The following YWHAQ variants were observed in gnomAD, a reference collection of about 807,000 sequenced individuals.
YWHAQ encodes tyrosine 3-monooxygenase/tryptophan 5-monooxygenase activation protein theta, also known as 14-3-3 protein theta.
In YWHAQ, 6 loss-of-function variants were observed where a neutral mutation model predicts 28.3. The observed-to-expected ratio is 0.21, with a 90% confidence interval of 0.12 to 0.42. YWHAQ has a LOEUF of 0.42. Ranked by LOEUF, YWHAQ falls within the 10% of genes least tolerant of loss-of-function variation. The probability of loss-of-function intolerance (pLI) is 1.00; values close to 1 mark genes in which losing one functional copy is unlikely to be tolerated. For missense variants in YWHAQ, 201 were observed against 305.6 expected, an observed-to-expected ratio of 0.66 and a Z score of 2.55; for synonymous variants, 143 against 119.1, an observed-to-expected ratio of 1.20 and a Z score of -1.31.
chr2:9,630,552 G>A lies in YWHAQ; in HGVS notation c.-82-18C>T, dbSNP rs369469100. On this transcript the variant is annotated intron_variant, in intron 1 of 5. Coordinates refer to ENST00000238081, the MANE Select transcript of YWHAQ (RefSeq NM_006826.4). This position sits in a 1 kb window ranked among gnomAD's most constrained non-coding sequence, Gnocchi z 5.6. Reference sequence around the variant, plus strand: ...CTCGAGAGCTGCGGAGGGGCGGGGCGGCGAGGCGAGAACAAAAAGCAGAGA... The same window carrying A: ...CTCGAGAGCTGCGGAGGGGCGGGGCAGCGAGGCGAGAACAAAAAGCAGAGA... 3.1e-4 allele frequency: 376 copies of A among 1,223,052 alleles called. 6 individuals carry two copies. In the East Asian group the frequency reaches 7.2e-3, roughly 23 times the overall value. The allele number at this position is 1,223,052 out of a possible 1,614,324, so 75.8% of individuals were successfully genotyped here. A position where few individuals can be genotyped will look rare whatever the true frequency, so the allele number is the denominator to read the frequency against.
chr2:9,625,305 G>C (rs918553554), intron 2 of YWHAQ, among the ~76,000 whole-genome samples: 4 of 150,286 alleles, frequency 2.7e-5, no homozygotes, highest in African/African-American at 7.3e-5. Flanking sequence ...TTGCCTTTAA[G>C]CAGCCTACAA....
At chr2:9,594,134 A>C (rs1666521410) in intron 2 of YWHAQ, among the ~76,000 whole-genome samples, 1 of 152,030 alleles carries the variant, frequency 6.6e-6, no homozygotes, top group Non-Finnish European at 1.5e-5. Flanking sequence ...AGAGGTCATT[A>C]GGGCCACACC....
Position 9,630,091 on chromosome 2 carries a change from G to A in YWHAQ, c.294+68C>T. 6.4e-7 allele frequency: 1 copy of A among 1,551,366 alleles called. No individual in the cohort carries two copies. On this transcript the variant is annotated intron_variant, in intron 2 of 5. Coordinates refer to ENST00000238081, the MANE Select transcript of YWHAQ (RefSeq NM_006826.4). The surrounding 1 kb of genome is among the most constrained non-coding windows in gnomAD (Gnocchi z 5.6). ...AGCCCCGGCTCACGTTTGTTTCCGTGCCCGCGAAACTCTCAATGAAAAGCA... is the reference window on the plus strand; with the variant it reads ...AGCCCCGGCTCACGTTTGTTTCCGTACCCGCGAAACTCTCAATGAAAAGCA...
At chr2:9,605,384 G>A (rs1010081683) in intron 2 of YWHAQ, among the ~76,000 whole-genome samples, 5 of 151,930 alleles carry the variant, frequency 3.3e-5, no homozygotes, top group African/African-American at 7.3e-5. Flanking sequence ...ATCCTCCCAC[G>A]TCAGCCTCTC....
At chr2:9,595,766 TG>T (rs1380453869) in intron 2 of YWHAQ, among the ~76,000 whole-genome samples, 1 of 151,658 alleles carries the variant, frequency 6.6e-6, no homozygotes, top group African/African-American at 2.4e-5. Context: ...TGATTTCTTC[TG>T]TACGTTATTC....
intron 2 of YWHAQ, among the ~76,000 whole-genome samples, chr2:9,605,623 C>A (rs1411946827): frequency 6.6e-6 from 1 of 151,856 alleles, no homozygotes; most frequent in Non-Finnish European, 1.5e-5. Context: ...TGCAGTGGTG[C>A]GATCTCGGCT....
chr2:9,590,254 C>T (rs1042462103), intron 3 of YWHAQ, among the ~76,000 whole-genome samples: 2 of 152,162 alleles, frequency 1.3e-5, no homozygotes, highest in South Asian at 2.1e-4. Flanking sequence ...TGTACAGTTC[C>T]GTGCCCGTAT....
intron 3 of YWHAQ, among the ~76,000 whole-genome samples, chr2:9,590,871 AAC>A (rs1187300541): frequency 4.6e-5 from 7 of 152,214 alleles, no homozygotes; most frequent in African/African-American, 1.4e-4. Context: ...CACCAGCAAT[AAC>A]ACACTCATTT....
intron 2 of YWHAQ, among the ~76,000 whole-genome samples, chr2:9,626,974 T>C (rs1573008680): frequency 6.6e-6 from 1 of 152,242 alleles, no homozygotes; most frequent in Non-Finnish European, 1.5e-5. Context: ...TCGAAGAGAC[T>C]TAGAAAGTTA....
chr2:9,588,644 A>C lies in YWHAQ; in HGVS notation c.419-316T>G, dbSNP rs549454394. ...AAATTAGCCAGGCGTGATGGCGGGCATCTGTAATCCCAGCTACTCAGGAGG... is the reference window on the plus strand; with the variant it reads ...AAATTAGCCAGGCGTGATGGCGGGCCTCTGTAATCCCAGCTACTCAGGAGG... On this transcript the variant is annotated intron_variant, in intron 3 of 5. Transcript: ENST00000238081. Among the ~76,000 whole-genome samples the C allele has an allele frequency of 1.5e-4, 23 of 152,270 alleles. 1 individual carries two copies. The highest frequency in any genetic ancestry group is 3.9e-4 in the Admixed American group (6 of 15,290).
intron 4 of YWHAQ, 29 bp downstream of exon 4, chr2:9,588,136 A>C: frequency 6.6e-7 from 1 of 1,505,428 alleles, no homozygotes; most frequent in East Asian, 2.6e-5. Flanking sequence ...CTGTAGCTAA[A>C]GTACGTATTT....
chr2:9,613,081 A>G (rs1666981716), intron 2 of YWHAQ, among the ~76,000 whole-genome samples: 1 of 152,162 alleles, frequency 6.6e-6, no homozygotes, highest in African/African-American at 2.4e-5. Context: ...AATGTACACT[A>G]TTTTACTCGT....
At position 9,609,950 on chromosome 2, in the gene YWHAQ, T is replaced by C. The variant is rs11892623; in HGVS notation, c.295-18435A>G. ...GAGTATTAACAGTCCAAAATAAGAG[T>C]ACTGTAAAGGACTGAGTTGGCTATT... On this transcript the variant is annotated intron_variant, in intron 2 of 5. Transcript: ENST00000238081. Among the ~76,000 whole-genome samples, 846 of 151,994 alleles carry C rather than the reference T, an allele frequency of 5.6e-3. 4 individuals carry two copies. The highest frequency in any genetic ancestry group is 0.019 in the African/African-American group (808 of 41,442).
intron 2 of YWHAQ, among the ~76,000 whole-genome samples, chr2:9,626,515 G>A (rs552457294): frequency 7.9e-4 from 120 of 152,298 alleles, no homozygotes; most frequent in African/African-American, 2.3e-3. Context: ...TGCAACCTTC[G>A]CCTCCCAGAT....
In YWHAQ at chr2:9,588,204, A is replaced by C; in HGVS notation, c.543T>G (p.Ile181Met). 1 of 1,590,918 alleles carries C rather than the reference A, an allele frequency of 6.3e-7. No homozygotes were observed. The highest frequency in any genetic ancestry group is 8.5e-7 in the Non-Finnish European group (1 of 1,173,004). ...TGCAGGCAAGCTCTGGGTTATTAAG[A>C]ATCTCATAGTAAAATACAGAAAAGT... is the stretch of plus-strand genomic sequence containing the variant. ...ALNFSVFYYE[I>M]LNNPELACTL... Residue 181 changes from isoleucine to methionine, a missense_variant, in exon 4 of 6, where the codon ATT (isoleucine) becomes ATG (methionine). By Grantham distance (10) the Ile-to-Met change is conservative. Coordinates refer to ENST00000238081, the MANE Select transcript of YWHAQ (RefSeq NM_006826.4).
chr2:9,598,089 C>G (rs1027466924), intron 2 of YWHAQ, among the ~76,000 whole-genome samples: 2 of 149,596 alleles, frequency 1.3e-5, no homozygotes, highest in African/African-American at 5.0e-5. Flanking sequence ...CTGCCTTGGC[C>G]TCCCAATGTT....
intron 2 of YWHAQ, among the ~76,000 whole-genome samples, chr2:9,618,193 TTG>T (rs1028890235): frequency 6.6e-5 from 10 of 152,118 alleles, no homozygotes; most frequent in Non-Finnish European, 7.3e-5. Flanking sequence ...CTGCACAACT[TTG>T]TGAATAAACT....
chr2:9,629,340 C>T (rs1428646963), intron 2 of YWHAQ, among the ~76,000 whole-genome samples: 4 of 152,198 alleles, frequency 2.6e-5, no homozygotes, highest in East Asian at 3.8e-4. Context: ...ACTTATCCTA[C>T]GGATCAAAAG....
rs1450187897 is a variant in YWHAQ, at chr2:9,630,400, CGCTCGGCCT to C, written c.44_52del (p.Gln15_Glu17del). On this transcript the variant is annotated inframe_deletion, in exon 2 of 6. Coordinates refer to ENST00000238081, the MANE Select transcript of YWHAQ (RefSeq NM_006826.4). This position sits in a 1 kb window ranked among gnomAD's most constrained non-coding sequence, Gnocchi z 5.6. ...CATGCAGGTGGCCATGTCGTCGTAGCGCTCGGCCTGCTCGGCCAGCTTGGCCTTCTGGAT... is the reference window on the plus strand; with the variant it reads ...CATGCAGGTGGCCATGTCGTCGTAGCGCTCGGCCAGCTTGGCCTTCTGGAT... 6.2e-7 allele frequency: 1 copy of C among 1,613,642 alleles called. No homozygotes were observed.
Sources: allele counts gnomAD v4.1 joint callset (sites outside exome capture counted in the v4.1 genomes callset), GRCh38; gene constraint gnomAD v4.1.1; non-coding constraint Gnocchi (gnomAD v3.1); transcripts MANE v1.5; gene names NCBI Gene and HGNC (gene_info 2026-07-23, HGNC 2026-07-21).